Variants in ZDHHC14 observed in about 807,000 individuals in gnomAD.
The protein encoded by ZDHHC14 is palmitoyltransferase ZDHHC14.
ZDHHC14 carries 16 observed loss-of-function variants against 47.7 expected under a neutral mutation model. The ratio of observed to expected loss-of-function variants is 0.34; its 90% confidence interval spans 0.23 to 0.51. ZDHHC14 has a LOEUF of 0.51. Among genes scored for constraint, ZDHHC14 ranks in the 20% least tolerant of loss-of-function variants. The probability of loss-of-function intolerance (pLI) is 0.97; values close to 1 mark genes in which losing one functional copy is unlikely to be tolerated. For missense variants in ZDHHC14, 515 were observed against 662.5 expected (o/e 0.78, Z 2.44); for synonymous variants, 293 against 278.9 (o/e 1.05, Z -0.50).
At chr6:157,452,246 ATTT>A (rs35501167) in intron 1 of ZDHHC14, among the ~76,000 whole-genome samples, 6 of 149,932 alleles carry the variant, frequency 4.0e-5, no homozygotes, top group Non-Finnish European at 7.4e-5. Flanking sequence ...AGTACCTAGT[ATTT>A]TTTTTTTTTT....
At chr6:157,400,460 GAC>G (rs1312521304) in intron 1 of ZDHHC14, among the ~76,000 whole-genome samples, 3 of 152,142 alleles carry the variant, frequency 2.0e-5, no homozygotes, top group Admixed American at 6.5e-5. Context: ...GGAGATCCAG[GAC>G]ACACACACGC....
intron 3 of ZDHHC14, among the ~76,000 whole-genome samples, chr6:157,612,845 A>G (rs772994268): frequency 0.04 from 2,336 of 59,042 alleles, 31 homozygotes; most frequent in Non-Finnish European, 0.073. Context: ...CTCTTAGAGA[A>G]AAAAAAAAAA....
At chr6:157,504,225 T>C (rs964684541) in intron 1 of ZDHHC14, among the ~76,000 whole-genome samples, 6 of 152,136 alleles carry the variant, frequency 3.9e-5, no homozygotes, top group African/African-American at 1.4e-4. Context: ...GTTTGTTTTT[T>C]GAGATGGAGT....
chr6:157,637,562 T>C (rs1208822975), intron 5 of ZDHHC14, among the ~76,000 whole-genome samples: 1 of 152,168 alleles, frequency 6.6e-6, no homozygotes, highest in Non-Finnish European at 1.5e-5. Flanking sequence ...TCTCCAAATC[T>C]GTACTCCATC....
intron 3 of ZDHHC14, among the ~76,000 whole-genome samples, chr6:157,594,706 A>G (rs1784052616): frequency 6.6e-6 from 1 of 152,196 alleles, no homozygotes; most frequent in Admixed American, 6.5e-5. Flanking sequence ...ATGTGGGGGC[A>G]CACCAGGGTT....
chr6:157,493,644 G>C (rs892169196), intron 1 of ZDHHC14, among the ~76,000 whole-genome samples: 1 of 152,264 alleles, frequency 6.6e-6, no homozygotes, highest in African/African-American at 2.4e-5. Flanking sequence ...CATCAGGATG[G>C]GTGCTGTGTG....
intron 1 of ZDHHC14, among the ~76,000 whole-genome samples, chr6:157,405,202 C>T (rs1562412374): frequency 6.6e-6 from 1 of 152,114 alleles, no homozygotes; most frequent in Non-Finnish European, 1.5e-5. Flanking sequence ...CTTTTTTGCA[C>T]CGCCAAAAGA....
chr6:157,600,919 C>T (rs902131676), intron 3 of ZDHHC14, among the ~76,000 whole-genome samples: 16 of 152,164 alleles, frequency 1.1e-4, no homozygotes, highest in Admixed American at 9.2e-4. Context: ...TCCAAGGGGC[C>T]CAGTGTAATT....
intron 3 of ZDHHC14, among the ~76,000 whole-genome samples, chr6:157,593,517 A>T (rs1425129883): frequency 6.6e-6 from 1 of 152,162 alleles, no homozygotes; most frequent in African/African-American, 2.4e-5. Context: ...CCAGCTCCTC[A>T]GAGGGGCTGG....
intron 7 of ZDHHC14, among the ~76,000 whole-genome samples, chr6:157,649,029 A>G (rs589418): frequency 0.31 from 47,809 of 152,032 alleles, 8,090 homozygotes; most frequent in Non-Finnish European, 0.39. Context: ...AACTGTCACA[A>G]CCAAAATTAT....
chr6:157,466,094 G>A (rs1249451920), intron 1 of ZDHHC14, among the ~76,000 whole-genome samples: 2 of 152,076 alleles, frequency 1.3e-5, no homozygotes, highest in Non-Finnish European at 2.9e-5. Flanking sequence ...TCTCGCAGGC[G>A]GGCCCCACAG....
chr6:157,506,983 A>G (rs1462766567), intron 1 of ZDHHC14, among the ~76,000 whole-genome samples: 3 of 152,172 alleles, frequency 2.0e-5, no homozygotes, highest in African/African-American at 7.2e-5. Context: ...ACTTATAACC[A>G]AAACCAGCCA....
intron 5 of ZDHHC14, among the ~76,000 whole-genome samples, chr6:157,635,080 G>A (rs1168498570): frequency 4.6e-5 from 7 of 151,418 alleles, no homozygotes; most frequent in African/African-American, 9.7e-5. Flanking sequence ...TGCAACCTCC[G>A]CCTCCCGGGT....
At position 157,489,495 on chromosome 6, in the gene ZDHHC14, C is replaced by T. The variant is rs182055408; in HGVS notation, c.246-53090C>T. 8.6e-5 allele frequency among the ~76,000 whole-genome samples: 13 copies of T among 151,224 alleles called. No homozygotes were observed. In the East Asian group the frequency reaches 2.5e-3, roughly 29 times the overall value. On this transcript the variant is annotated intron_variant, in intron 1 of 8. Transcript: ENST00000359775. ...TTGAATGTTTAAAAAACGTTGTTCT[C>T]ATTTCTTAGAAGTTTTAAATTTTAG...
chr6:157,628,303 TATTA>T, intron 3 of ZDHHC14, 42 bp from the exon 4 acceptor site: 1 of 1,573,348 alleles, frequency 6.4e-7, no homozygotes. Context: ...AAAGACATTT[TATTA>T]ATTGATTTCC....
intron 1 of ZDHHC14, among the ~76,000 whole-genome samples, chr6:157,518,035 G>A (rs1780764389): frequency 6.6e-6 from 1 of 152,080 alleles, no homozygotes; most frequent in Non-Finnish European, 1.5e-5. Context: ...GGCTGGAGGA[G>A]GGTGGGGGGC....
intron 2 of ZDHHC14, among the ~76,000 whole-genome samples, chr6:157,555,766 T>C (rs923338754): frequency 6.6e-6 from 1 of 152,146 alleles, no homozygotes; most frequent in Non-Finnish European, 1.5e-5. Flanking sequence ...CCCCTGTGTA[T>C]TGCAGGGTAT....
At chr6:157,602,455 ACTCCAGCCTGGG>A (rs1255129133) in intron 3 of ZDHHC14, among the ~76,000 whole-genome samples, 2 of 144,884 alleles carry the variant, frequency 1.4e-5, no homozygotes, top group Non-Finnish European at 3.0e-5. Context: ...GCACCACTGC[ACTCCAGCCTGGG>A]CAACAGAGCA....
At chr6:157,399,668 A>G (rs1583612255) in intron 1 of ZDHHC14, among the ~76,000 whole-genome samples, 2 of 152,376 alleles carry the variant, frequency 1.3e-5, no homozygotes, top group South Asian at 4.1e-4. Flanking sequence ...CTGCCGGACC[A>G]GGGTTGACCC....
Sources: gnomAD v4.1 joint callset for allele counts (sites outside exome capture counted in the v4.1 genomes callset) on GRCh38, gnomAD v4.1.1 for gene constraint, MANE v1.5 for transcripts, NCBI Gene and HGNC (gene_info 2026-07-23, HGNC 2026-07-21) for gene names.